CYFIP1: variants seen among roughly 807,000 people sequenced by gnomAD.
CYFIP1 encodes the protein cytoplasmic FMR1 interacting protein 1, also known as cytoplasmic FMR1-interacting protein 1.
CYFIP1 carries 58 observed loss-of-function variants against 163.5 expected under a neutral mutation model. That is an observed-to-expected ratio of 0.35 (90% confidence interval 0.29 to 0.44). The LOEUF is 0.44. Ranked by LOEUF, CYFIP1 falls within the 20% of genes least tolerant of loss-of-function variation. The probability of loss-of-function intolerance (pLI) is 1.00; values close to 1 mark genes in which losing one functional copy is unlikely to be tolerated. For missense variants in CYFIP1, 1,338 were observed against 1,653.8 expected, an observed-to-expected ratio of 0.81 and a Z score of 3.31; for synonymous variants, 663 against 660.7, an observed-to-expected ratio of 1.00 and a Z score of -0.05.
chr15:22,886,960 T>C (rs2059941946), intron 23 of CYFIP1, among the ~76,000 whole-genome samples: 1 of 152,216 alleles, frequency 6.6e-6, no homozygotes, highest in Admixed American at 6.5e-5. Flanking sequence ...AGAAGCCTTG[T>C]TGTTTGACGC....
rs547245821 is a variant in CYFIP1 at position 22,915,514 on chromosome 15, G to A, written c.1829-632C>T. ...GCCTGTAATCCTAGCACTTTGGGAG[G>A]CCGAGGCGGGTGGATCACAAGGTCA... On this transcript the variant is annotated intron_variant, in intron 16 of 30. Transcript: ENST00000617928. Among the ~76,000 whole-genome samples, 15 of 152,268 alleles carry A rather than the reference G, an allele frequency of 9.9e-5. No homozygotes were observed. The South Asian group carries it at 2.7e-3, about 27-fold the overall frequency.
Position 22,885,777 on chromosome 15 carries a change from GA to G in CYFIP1, c.2677-2767del, listed in dbSNP as rs2059911306. On this transcript the variant is annotated intron_variant, in intron 23 of 30. Coordinates refer to ENST00000617928, the MANE Select transcript of CYFIP1 (RefSeq NM_014608.6). Reference sequence around the variant, plus strand: ...AAAAAACATTCAACAAGTCTCTAGAGAGTTCCAAACTTTCCCACATCTTCCC... The same window carrying G: ...AAAAAACATTCAACAAGTCTCTAGAGGTTCCAAACTTTCCCACATCTTCCC... 2.0e-5 allele frequency among the ~76,000 whole-genome samples: 3 copies of G among 152,068 alleles called. No individual in the cohort carries two copies. The South Asian group carries it at 6.2e-4, about 32-fold the overall frequency.
At chr15:22,880,649 C>T (rs530957081) in intron 25 of CYFIP1, among the ~76,000 whole-genome samples, 21 of 152,320 alleles carry the variant, frequency 1.4e-4, no homozygotes, top group Admixed American at 6.5e-5. Flanking sequence ...GGCAGCTGAC[C>T]GCACAATGAA....
At chr15:22,940,898 G>A (rs971922261) in intron 6 of CYFIP1, among the ~76,000 whole-genome samples, 4 of 152,058 alleles carry the variant, frequency 2.6e-5, no homozygotes, top group African/African-American at 7.2e-5. Context: ...AAATTAGCCC[G>A]GTGTGGTGGC....
chr15:22,976,645 T>G (rs1382562441), intron 1 of CYFIP1, among the ~76,000 whole-genome samples: 1 of 152,156 alleles, frequency 6.6e-6, no homozygotes, highest in Admixed American at 6.6e-5. Context: ...CAGTATATAA[T>G]TATTCTATAT....
intron 1 of CYFIP1, among the ~76,000 whole-genome samples, chr15:22,961,392 C>CT (rs1414385964): frequency 6.6e-6 from 1 of 151,690 alleles, no homozygotes; most frequent in African/African-American, 2.4e-5. Flanking sequence ...TGTTTTTCTT[C>CT]TTTTTTGAGA....
chr15:22,930,060 T>G (rs900541130), intron 11 of CYFIP1, among the ~76,000 whole-genome samples: 1 of 148,828 alleles, frequency 6.7e-6, no homozygotes, highest in Non-Finnish European at 1.5e-5. Flanking sequence ...TCGAATCACT[T>G]TAAAATTGTA....
chr15:22,974,980 T>C lies in CYFIP1; in HGVS notation c.-7+5307A>G, dbSNP rs551761790. Among the ~76,000 whole-genome samples the C allele has an allele frequency of 3.2e-4, 49 of 152,014 alleles. 2 individuals carry two copies. The South Asian group carries it at 9.4e-3, about 29-fold the overall frequency. ...ACCAACCCATCCACTTCCTCCTCCT[T>C]GGCCTGCTCACTGTGAGCTTTTTGA... is the stretch of plus-strand genomic sequence containing the variant. On this transcript the variant is annotated intron_variant, in intron 1 of 30. Coordinates refer to ENST00000617928, the MANE Select transcript of CYFIP1 (RefSeq NM_014608.6).
chr15:22,966,247 A>G (rs1391577233), intron 1 of CYFIP1, among the ~76,000 whole-genome samples: 5 of 151,786 alleles, frequency 3.3e-5, no homozygotes, highest in Non-Finnish European at 5.9e-5. Context: ...CCAGCTACAC[A>G]CTGAAATCCC....
In CYFIP1 at chr15:22,917,116, G is replaced by A. The variant is rs547620357; in HGVS notation, c.1675-486C>T. On this transcript the variant is annotated intron_variant, in intron 15 of 30. Coordinates refer to ENST00000617928, the MANE Select transcript of CYFIP1 (RefSeq NM_014608.6). This position sits in a 1 kb window ranked among gnomAD's most constrained non-coding sequence, Gnocchi z 4.2. ...CCCCAGGCAGGGACACGGGACGCAC[G>A]CAGAGGGAGGCAGGGAGGGTGGCTG... 130 of 1,449,702 alleles carry A rather than the reference G, an allele frequency of 9.0e-5. No homozygotes were observed. The East Asian group carries it at 9.7e-4, about 11-fold the overall frequency. 89.8% of individuals were successfully genotyped at this position (1,449,702 alleles called of 1,614,324 possible). A position where few individuals can be genotyped will look rare whatever the true frequency, so the allele number is the denominator to read the frequency against.
At chr15:22,910,473 T>TTTCAATGCACACTCTACG in intron 20 of CYFIP1, 47 bp downstream of exon 20, 1 of 1,533,006 alleles carries the variant, frequency 6.5e-7, no homozygotes, top group South Asian at 1.1e-5. Flanking sequence ...AACCCAGTCT[T>TTTCAATGCACACTCTACG]TTCAATGCAC....
chr15:22,917,339 G>C lies in CYFIP1; in HGVS notation c.1674+449C>G. 7.8e-7 allele frequency: 1 copy of C among 1,284,402 alleles called. No homozygotes were observed. Among genetic ancestry groups the C allele is most frequent in the Admixed American group, 3.8e-5 (1 of 26,294 alleles). The allele number at this position is 1,284,402 out of a possible 1,614,324, so 79.6% of individuals were successfully genotyped here. A position where few individuals can be genotyped will look rare whatever the true frequency, so the allele number is the denominator to read the frequency against. The stretch of plus-strand genomic sequence containing the variant: ...GTGTGAAAGTCGTGAGAAGCACCTC[G>C]GGGAGGCCTGAACACACCAGGAGAG... On this transcript the variant is annotated intron_variant, in intron 15 of 30. Transcript: ENST00000617928. This position sits in a 1 kb window ranked among gnomAD's most constrained non-coding sequence, Gnocchi z 4.2.
rs2062012923 is a variant in CYFIP1, at chr15:22,945,021, A to C, written c.208-82T>G. On this transcript the variant is annotated intron_variant, in intron 3 of 30. Coordinates refer to ENST00000617928, the MANE Select transcript of CYFIP1 (RefSeq NM_014608.6). ...GATGCCAGTTGCTAAAATCCAGACA[A>C]AGCGCCACAAACTATCCTAAGCACT... 3.2e-6 allele frequency: 4 copies of C among 1,261,820 alleles called. No homozygotes were observed. In the African/African-American group the frequency reaches 5.9e-5, roughly 18 times the overall value. 78.2% of individuals were successfully genotyped at this position (1,261,820 alleles called of 1,614,324 possible).
chr15:22,895,951 C>T (rs552589927), intron 22 of CYFIP1, among the ~76,000 whole-genome samples: 68 of 152,322 alleles, frequency 4.5e-4, no homozygotes, highest in African/African-American at 1.6e-3. Flanking sequence ...CCTGCACATC[C>T]TTCCAACAAG....
At chr15:22,892,780 A>C in intron 23 of CYFIP1, 110 bp downstream of exon 23, 1 of 762,824 alleles carries the variant, frequency 1.3e-6, no homozygotes, top group Non-Finnish European at 2.2e-6. Context: ...ATAACATTTT[A>C]TACACAGCGT....
Position 22,934,847 on chromosome 15 carries a change from G to A in CYFIP1, c.901-954C>T, listed in dbSNP as rs542936552. On this transcript the variant is annotated intron_variant, in intron 9 of 30. Coordinates refer to ENST00000617928, the MANE Select transcript of CYFIP1 (RefSeq NM_014608.6). The stretch of plus-strand genomic sequence containing the variant: ...CAATCAGAATACAAAAACTTAAAGA[G>A]AAATACTTTGCAACAGCATCCAAAA... 8.3e-5 allele frequency among the ~76,000 whole-genome samples: 12 copies of A among 144,542 alleles called. No individual in the cohort carries two copies. The South Asian group carries it at 2.4e-3, about 28-fold the overall frequency. 94.8% of individuals were successfully genotyped at this position (144,542 alleles called of 152,430 possible).
chr15:22,935,588 A>C (rs1465687161), intron 9 of CYFIP1, among the ~76,000 whole-genome samples: 3 of 152,322 alleles, frequency 2.0e-5, no homozygotes, highest in Non-Finnish European at 4.4e-5. Flanking sequence ...TCTGTTCAGC[A>C]AATGACACCA....
chr15:22,936,457 T>C (rs1262213199), intron 9 of CYFIP1, among the ~76,000 whole-genome samples: 1 of 152,142 alleles, frequency 6.6e-6, no homozygotes, highest in African/African-American at 2.4e-5. Flanking sequence ...ACAATCTCAA[T>C]GCTGTACGCA....
intron 1 of CYFIP1, 101 bp from the exon 2 acceptor site, chr15:22,947,392 C>T: frequency 2.0e-6 from 3 of 1,495,962 alleles, no homozygotes; most frequent in Non-Finnish European, 9.0e-7. Context: ...TTCCCGCTCT[C>T]CCGAGGGCAC....
Sources: allele counts gnomAD v4.1 joint callset (sites outside exome capture counted in the v4.1 genomes callset), GRCh38; gene constraint gnomAD v4.1.1; non-coding constraint Gnocchi (gnomAD v3.1); transcripts MANE v1.5; gene names NCBI Gene and HGNC (gene_info 2026-07-23, HGNC 2026-07-21).